The following CD247 variants were observed in gnomAD, a reference collection of about 807,000 sequenced individuals.
The protein encoded by CD247 is CD247 molecule, also known as T-cell surface glycoprotein CD3 zeta chain.
A neutral mutation model predicts 30.0 loss-of-function variants in CD247; 13 were observed. The ratio of observed to expected loss-of-function variants is 0.43; its 90% CI spans 0.28 to 0.69. CD247 has a LOEUF of 0.69. CD247 is among the 30% of genes least tolerant of loss of function. CD247 has a pLI of 0.16. For synonymous variants in CD247, 72 were observed against 80.0 expected (o/e 0.90, Z 0.53); for missense variants, 193 against 212.6 (o/e 0.91, Z 0.57).
chr1:167,515,280 C>T (rs996856636), intron 1 of CD247, among the ~76,000 whole-genome samples: 5 of 152,210 alleles, frequency 3.3e-5, no homozygotes, highest in African/African-American at 9.7e-5. Context: ...GATACTCAGT[C>T]GCTGTGCACC....
At chr1:167,493,677 C>T (rs980450358) in intron 1 of CD247, among the ~76,000 whole-genome samples, 2 of 152,142 alleles carry the variant, frequency 1.3e-5, no homozygotes, top group Non-Finnish European at 2.9e-5. Context: ...TAGAAGGGAC[C>T]TTACTGATCA....
intron 1 of CD247, among the ~76,000 whole-genome samples, chr1:167,452,613 C>G (rs1652407532): frequency 6.6e-6 from 1 of 152,044 alleles, no homozygotes; most frequent in Non-Finnish European, 1.5e-5. Flanking sequence ...GTGACAGACA[C>G]AGATGTAGCC....
At chr1:167,461,917 T>G (rs1213692036) in intron 1 of CD247, among the ~76,000 whole-genome samples, 1 of 152,208 alleles carries the variant, frequency 6.6e-6, no homozygotes. Context: ...CCCTCAAACC[T>G]TAGTTGCACT....
At chr1:167,460,873 G>A (rs1652977122) in intron 1 of CD247, among the ~76,000 whole-genome samples, 1 of 152,194 alleles carries the variant, frequency 6.6e-6, no homozygotes, top group Non-Finnish European at 1.5e-5. Context: ...GGGGGACAGG[G>A]CACACACATT....
chr1:167,465,552 AACTCCTGACC>A (rs1653208219), intron 1 of CD247, among the ~76,000 whole-genome samples: 1 of 151,702 alleles, frequency 6.6e-6, no homozygotes, highest in Non-Finnish European at 1.5e-5. Context: ...GCTGGTCTTG[AACTCCTGACC>A]TCAGGTGATC....
In CD247 at chr1:167,494,530, T is replaced by C. The variant is rs554073506; in HGVS notation, c.58+23878A>G. On this transcript the variant is annotated intron_variant, in intron 1 of 7. Coordinates refer to ENST00000362089, the MANE Select transcript of CD247 (RefSeq NM_198053.3). The surrounding 1 kb of genome is among the most constrained non-coding windows in gnomAD (Gnocchi z 7.3). Reference sequence around the variant, plus strand: ...CCTCACCCTGTCGACCTCATGGGGCTGCTGTGAGGGTCAGATGAGAAAATG... The same window carrying C: ...CCTCACCCTGTCGACCTCATGGGGCCGCTGTGAGGGTCAGATGAGAAAATG... Among the ~76,000 whole-genome samples the C allele has an allele frequency of 6.6e-6, 1 of 152,164 alleles. No homozygotes were observed. Among genetic ancestry groups the C allele is most frequent in the Non-Finnish European group, 1.5e-5 (1 of 68,026 alleles).
At chr1:167,493,800 C>T (rs1029691400) in intron 1 of CD247, among the ~76,000 whole-genome samples, 1 of 152,192 alleles carries the variant, frequency 6.6e-6, no homozygotes, top group Non-Finnish European at 1.5e-5. Flanking sequence ...AGAAGCTGGC[C>T]TCCTAATTCT....
chr1:167,447,565 T>C lies in CD247; in HGVS notation c.59-6798A>G, dbSNP rs77375694. Among the ~76,000 whole-genome samples, 234 of 152,270 alleles carry C rather than the reference T, an allele frequency of 1.5e-3. 7 individuals are homozygous for C. The East Asian group carries it at 0.04, about 26-fold the overall frequency. On this transcript the variant is annotated intron_variant, in intron 1 of 7. Transcript: ENST00000362089. Reference sequence around the variant, plus strand: ...TTTCAAACCTCACCCCCGTCCAGCTTGTTTCCACTTTGATAGGAAGCACGG... The same window carrying C: ...TTTCAAACCTCACCCCCGTCCAGCTCGTTTCCACTTTGATAGGAAGCACGG...
chr1:167,495,779 G>A (rs200153104), intron 1 of CD247, among the ~76,000 whole-genome samples: 18 of 152,108 alleles, frequency 1.2e-4, no homozygotes, highest in East Asian at 9.7e-4. Context: ...TGCCACCTCC[G>A]TCTTCTCCAG....
At chr1:167,493,246 T>C (rs181286031) in intron 1 of CD247, among the ~76,000 whole-genome samples, 3 of 152,092 alleles carry the variant, frequency 2.0e-5, no homozygotes, top group Admixed American at 2.0e-4. Context: ...CTTCACCATA[T>C]TACCCAGGCT....
At chr1:167,449,149 CTTT>C (rs71097676) in intron 1 of CD247, among the ~76,000 whole-genome samples, 2 of 66,420 alleles carry the variant, frequency 3.0e-5, no homozygotes, top group Non-Finnish European at 5.0e-5. Flanking sequence ...TTTTTCTTTT[CTTT>C]TTTTTTTTTT....
At chr1:167,449,678 G>A (rs1041650274) in intron 1 of CD247, among the ~76,000 whole-genome samples, 5 of 151,892 alleles carry the variant, frequency 3.3e-5, no homozygotes, top group African/African-American at 4.8e-5. Flanking sequence ...ATCCCAGTAC[G>A]TTGGGAGGCC....
At chr1:167,506,265 T>A (rs1168769042) in intron 1 of CD247, among the ~76,000 whole-genome samples, 1 of 13,856 alleles carries the variant, frequency 7.2e-5, no homozygotes, top group Non-Finnish European at 1.4e-4. Context: ...TCTTTTCTTT[T>A]CTTTTCCTTT....
chr1:167,432,205 T>G (rs1651304890), intron 7 of CD247, among the ~76,000 whole-genome samples: 1 of 152,240 alleles, frequency 6.6e-6, no homozygotes, highest in Admixed American at 6.5e-5. Flanking sequence ...CTCCTTGGCC[T>G]CAGCCCTCTG....
intron 1 of CD247, among the ~76,000 whole-genome samples, chr1:167,514,406 A>G (rs1310903069): frequency 6.6e-6 from 1 of 152,136 alleles, no homozygotes; most frequent in African/African-American, 2.4e-5. Context: ...CCCAGAGTGC[A>G]TTCAACAATT....
intron 1 of CD247, among the ~76,000 whole-genome samples, chr1:167,481,265 C>A (rs935512212): frequency 2.0e-5 from 3 of 152,088 alleles, no homozygotes; most frequent in African/African-American, 7.2e-5. Flanking sequence ...CCAGGCTGGG[C>A]AACAGAGAGA....
chr1:167,470,872 CTTTTTT>C (rs768647657), intron 1 of CD247, among the ~76,000 whole-genome samples: 3 of 134,264 alleles, frequency 2.2e-5, no homozygotes, highest in African/African-American at 8.3e-5. Flanking sequence ...TTCTTTCTTT[CTTTTTT>C]TTTTTTTTTT....
At chr1:167,485,006 C>A (rs910011919) in intron 1 of CD247, among the ~76,000 whole-genome samples, 1 of 152,130 alleles carries the variant, frequency 6.6e-6, no homozygotes, top group Non-Finnish European at 1.5e-5. Flanking sequence ...ATCTAGGGAA[C>A]CCAGGAAATA....
intron 1 of CD247, among the ~76,000 whole-genome samples, chr1:167,448,842 T>C (rs374015343): frequency 6.6e-5 from 10 of 152,268 alleles, no homozygotes; most frequent in Admixed American, 2.6e-4. Context: ...GCCTGGGCCA[T>C]AGAGTGAGAC....
Sources: allele counts gnomAD v4.1 joint callset (sites outside exome capture counted in the v4.1 genomes callset), GRCh38; gene constraint gnomAD v4.1.1; non-coding constraint Gnocchi (gnomAD v3.1); transcripts MANE v1.5; gene names NCBI Gene and HGNC (gene_info 2026-07-23, HGNC 2026-07-21).